Variants in ZFPM1 observed in about 807,000 individuals in gnomAD.
ZFPM1 encodes the protein zinc finger protein, FOG family member 1, also known as zinc finger protein ZFPM1.
ZFPM1 carries 28 observed loss-of-function variants against 46.3 expected under a neutral mutation model. The observed-to-expected ratio is 0.60, with a 90% CI of 0.45 to 0.83. ZFPM1 has a LOEUF of 0.83. Among genes scored for constraint, ZFPM1 ranks in the 40% least tolerant of loss-of-function variants. The pLI, the probability that ZFPM1 is intolerant of heterozygous loss-of-function variation, is 0.00. For synonymous variants in ZFPM1, 957 were observed against 675.9 expected (o/e 1.42, Z -6.45); for missense variants, 1,878 against 1,432.4 (o/e 1.31, Z -5.02).
At position 88,461,246 on chromosome 16, in the gene ZFPM1, G is replaced by A. The variant is rs1358837394; in HGVS notation, c.40+7568G>A. Among the ~76,000 whole-genome samples the A allele has an allele frequency of 4.7e-4, 57 of 122,052 alleles. 6 individuals are homozygous for A. The highest frequency in any genetic ancestry group is 7.9e-4 in the Admixed American group (10 of 12,676). The allele number at this position is 122,052 out of a possible 152,430, so 80.1% of individuals were successfully genotyped here. On this transcript the variant is annotated intron_variant, in intron 1 of 9. Transcript: ENST00000319555. Reference sequence around the variant, plus strand: ...CCTGGTGAGGACCCAGGGGTGGGGCGGGAGGCCCTGGTGAGGACCGACGGG... The same window carrying A: ...CCTGGTGAGGACCCAGGGGTGGGGCAGGAGGCCCTGGTGAGGACCGACGGG...
chr16:88,494,331 C>T (rs1909803519), intron 3 of ZFPM1, among the ~76,000 whole-genome samples: 1 of 151,914 alleles, frequency 6.6e-6, no homozygotes, highest in Admixed American at 6.5e-5. Flanking sequence ...AGGAGGAGCT[C>T]ACCCCCCAAA....
chr16:88,535,674 G>A lies in ZFPM1; in HGVS notation c.*695G>A, dbSNP rs1168223536. On this transcript the variant is annotated 3_prime_UTR_variant, in exon 10 of 10. Transcript: ENST00000319555. ...AGGCCGAAGCATTCCCTGGCCTCGA[G>A]GGGGTCCTGATGCTCACTGGTGGGT... The A allele has an allele frequency of 6.6e-6, 1 of 152,358 alleles. No homozygotes were observed. The highest frequency in any genetic ancestry group is 2.4e-5 in the African/African-American group (1 of 41,458). The allele number at this position is 152,358 out of a possible 1,614,324, so 9.4% of individuals were successfully genotyped here.
chr16:88,505,823 G>A (rs1203350413), intron 3 of ZFPM1, among the ~76,000 whole-genome samples: 5 of 152,136 alleles, frequency 3.3e-5, no homozygotes, highest in Non-Finnish European at 2.9e-5. Context: ...AGGGCACGAG[G>A]CCCACCTCTA....
intron 1 of ZFPM1, among the ~76,000 whole-genome samples, chr16:88,476,575 TA>T (rs1300120471): frequency 6.6e-6 from 1 of 150,822 alleles, no homozygotes; most frequent in Non-Finnish European, 1.5e-5. Context: ...GGGAGCTGGG[TA>T]GGGGTTTGGC....
chr16:88,494,284 G>C (rs190626537), intron 3 of ZFPM1, among the ~76,000 whole-genome samples: 2 of 152,246 alleles, frequency 1.3e-5, no homozygotes, highest in African/African-American at 4.8e-5. Context: ...GCCACCTTGC[G>C]CTCCCCCGTC....
chr16:88,529,019 C>T, intron 6 of ZFPM1, among the ~76,000 whole-genome samples: 1 of 152,232 alleles, frequency 6.6e-6, no homozygotes, highest in East Asian at 1.9e-4. Context: ...AGGAGCCATA[C>T]CTGTGATCCC....
At chr16:88,484,720 GA>G (rs1303875661) in intron 1 of ZFPM1, among the ~76,000 whole-genome samples, 1 of 152,148 alleles carries the variant, frequency 6.6e-6, no homozygotes, top group Admixed American at 6.5e-5. Flanking sequence ...AGTCAAACAG[GA>G]TATGGAAGGG....
intron 3 of ZFPM1, among the ~76,000 whole-genome samples, chr16:88,510,279 C>G (rs1910881076): frequency 6.6e-6 from 1 of 152,194 alleles, no homozygotes; most frequent in African/African-American, 2.4e-5. Flanking sequence ...CCCCAGGCAC[C>G]CCCAAAAGGC....
intron 1 of ZFPM1, among the ~76,000 whole-genome samples, chr16:88,474,571 C>A (rs1270375122): frequency 6.6e-6 from 1 of 151,948 alleles, no homozygotes; most frequent in Non-Finnish European, 1.5e-5. Context: ...GGGCTCCGTC[C>A]CACTTCGGGG....
intron 3 of ZFPM1, among the ~76,000 whole-genome samples, chr16:88,509,848 G>A (rs1910855682): frequency 6.6e-6 from 1 of 152,172 alleles, no homozygotes; most frequent in Non-Finnish European, 1.5e-5. Context: ...GGGAGCAGAC[G>A]CTCCTCTACC....
chr16:88,457,114 C>A (rs1030004083), intron 1 of ZFPM1, among the ~76,000 whole-genome samples: 1 of 152,260 alleles, frequency 6.6e-6, no homozygotes, highest in Admixed American at 6.5e-5. Flanking sequence ...AACGCCCACC[C>A]GTGGGGCTGG....
rs540968326 is a variant in ZFPM1, at chr16:88,461,642, CATTAT to C, written c.40+7965_40+7969del. ...TTGCTGCCTCTGGAGCTGCCGGTTG[CATTAT>C]TGATATTTTGCCAAAAGCCCTGAGG... On this transcript the variant is annotated intron_variant, in intron 1 of 9. Transcript: ENST00000319555. Among the ~76,000 whole-genome samples the C allele has an allele frequency of 2.3e-3, 344 of 152,252 alleles. 2 individuals are homozygous for C. Among genetic ancestry groups the C allele is most frequent in the African/African-American group, 8.0e-3 (333 of 41,544 alleles).
intron 7 of ZFPM1, 103 bp from the exon 8 acceptor site, chr16:88,532,511 C>A: frequency 8.1e-7 from 1 of 1,230,556 alleles, no homozygotes; most frequent in Admixed American, 2.3e-5. Flanking sequence ...AGCACAGGGT[C>A]CCCCGGCACA....
chr16:88,511,336 C>T (rs1597263623), intron 3 of ZFPM1, among the ~76,000 whole-genome samples: 1 of 152,176 alleles, frequency 6.6e-6, no homozygotes, highest in South Asian at 2.1e-4. Flanking sequence ...CCACAGCTCC[C>T]AGTGTGGCTT....
intron 1 of ZFPM1, among the ~76,000 whole-genome samples, chr16:88,476,485 G>A (rs1908693738): frequency 1.3e-5 from 2 of 152,284 alleles, no homozygotes; most frequent in East Asian, 3.9e-4. Flanking sequence ...GAGGGAGGGA[G>A]GGGAGAGGGC....
intron 3 of ZFPM1, among the ~76,000 whole-genome samples, chr16:88,501,131 G>A (rs1198101447): frequency 2.6e-4 from 31 of 119,694 alleles, no homozygotes; most frequent in African/African-American, 8.6e-4. Context: ...ACATGGATGC[G>A]GGGGCCATCC....
chr16:88,506,467 C>A (rs1261479863), intron 3 of ZFPM1, among the ~76,000 whole-genome samples: 2 of 111,472 alleles, frequency 1.8e-5, no homozygotes, highest in East Asian at 6.3e-4. Context: ...GCTGGGCACA[C>A]AATAACACAG....
Position 88,463,799 on chromosome 16 carries a change from C to T in ZFPM1, c.40+10121C>T, listed in dbSNP as rs149918644. 4.6e-3 allele frequency among the ~76,000 whole-genome samples: 707 copies of T among 152,350 alleles called. 6 individuals are homozygous for T. The highest frequency in any genetic ancestry group is 0.016 in the African/African-American group (671 of 41,582). On this transcript the variant is annotated intron_variant, in intron 1 of 9. Coordinates refer to ENST00000319555, the MANE Select transcript of ZFPM1 (RefSeq NM_153813.3). ...TTCAGGCTGAGGAAACTGAGGCCTT[C>T]CTGTGTCTCTAGGCAGATCCAGCTC...
At chr16:88,478,364 G>GGGT (rs1212851802) in intron 1 of ZFPM1, among the ~76,000 whole-genome samples, 1 of 152,272 alleles carries the variant, frequency 6.6e-6, no homozygotes, top group East Asian at 1.9e-4. Flanking sequence ...GGTGGGCCAG[G>GGGT]GGTGGGGCTG....
Sources: allele counts gnomAD v4.1 joint callset (sites outside exome capture counted in the v4.1 genomes callset), GRCh38; gene constraint gnomAD v4.1.1; transcripts MANE v1.5; gene names NCBI Gene and HGNC (gene_info 2026-07-23, HGNC 2026-07-21).